LAMA2: variants seen among roughly 807,000 people sequenced by gnomAD.
LAMA2 encodes the protein laminin subunit alpha 2.
In LAMA2, 269 loss-of-function variants were observed where a neutral mutation model predicts 364.8. The ratio of observed to expected loss-of-function variants is 0.74; its 90% CI spans 0.67 to 0.82. The LOEUF (loss-of-function observed/expected upper bound fraction) is 0.82, where lower values mean the gene tolerates loss of function less well. Among genes scored for constraint, LAMA2 ranks in the 40% least tolerant of loss-of-function variants. LAMA2 has a pLI of 0.00. For missense variants in LAMA2, 3,807 were observed against 3,873.2 expected (o/e 0.98, Z 0.45); for synonymous variants, 1,379 against 1,370.6 (o/e 1.01, Z -0.14).
chr6:129,464,347 G>A lies in LAMA2; in HGVS notation c.7050G>A (p.Leu2350=). The change falls in exon 50 of 65, where the codon TTG becomes TTA. Residue 2350 remains leucine (L), a synonymous_variant. Transcript: ENST00000421865. ...AATTTGATGGAGAAGGTTATGCATT[G>A]GTCAGCCGTCCCATTCGCTGGTACC... ...TIQFDGEGYA[L]VSRPIRWYPN... is the part of the protein sequence containing the mutation. The A allele has an allele frequency of 6.2e-7, 1 of 1,611,820 alleles. No homozygotes were observed. The highest frequency in any genetic ancestry group is 8.5e-7 in the Non-Finnish European group (1 of 1,178,324).
Position 129,005,147 on chromosome 6 carries a change from A to T in LAMA2, c.113-44771A>T, listed in dbSNP as rs894631502. Among the ~76,000 whole-genome samples the T allele has an allele frequency of 7.2e-5, 11 of 152,166 alleles. No individual in the cohort carries two copies. In the East Asian group the frequency reaches 2.1e-3, roughly 29 times the overall value. Reference sequence around the variant, plus strand: ...TGTCCTCTTTTTTTTTCTGAAAAACATTAAGGTTTCTTTCCCAAAGCTTAT... The same window carrying T: ...TGTCCTCTTTTTTTTTCTGAAAAACTTTAAGGTTTCTTTCCCAAAGCTTAT... On this transcript the variant is annotated intron_variant, in intron 1 of 64. Coordinates refer to ENST00000421865, the MANE Select transcript of LAMA2 (RefSeq NM_000426.4).
chr6:128,895,760 C>T (rs1219493785), intron 1 of LAMA2, among the ~76,000 whole-genome samples: 1 of 152,110 alleles, frequency 6.6e-6, no homozygotes, highest in Non-Finnish European at 1.5e-5. Context: ...AGGAGGGGTC[C>T]TTTGTTCTTT....
intron 37 of LAMA2, among the ~76,000 whole-genome samples, chr6:129,394,306 A>G (rs902765092): frequency 3.3e-5 from 5 of 152,240 alleles, no homozygotes; most frequent in African/African-American, 7.2e-5. Context: ...CCTCTGGCAT[A>G]TAGTATGTAT....
intron 33 of LAMA2, among the ~76,000 whole-genome samples, chr6:129,367,786 C>G (rs1583587533): frequency 1.3e-5 from 2 of 152,078 alleles, no homozygotes; most frequent in East Asian, 3.8e-4. Flanking sequence ...AATGGATTAC[C>G]ATACATAGCT....
chr6:129,413,985 A>G (rs1034887111), intron 40 of LAMA2, among the ~76,000 whole-genome samples: 3 of 114,422 alleles, frequency 2.6e-5, no homozygotes, highest in African/African-American at 3.8e-5. Flanking sequence ...GAAGACAAGA[A>G]CAATTAAGCA....
chr6:128,925,067 G>C (rs994617675), intron 1 of LAMA2, among the ~76,000 whole-genome samples: 13 of 152,134 alleles, frequency 8.5e-5, no homozygotes, highest in African/African-American at 2.9e-4. Context: ...TTGTTGATGG[G>C]AATATAAAAT....
At chr6:129,445,920 G>A in intron 45 of LAMA2, 99 bp downstream of exon 45, 2 of 1,243,762 alleles carry the variant, frequency 1.6e-6, no homozygotes, top group South Asian at 1.3e-5. Flanking sequence ...GAATGATCTT[G>A]GGTCCTTTTC....
intron 39 of LAMA2, among the ~76,000 whole-genome samples, chr6:129,403,159 T>C (rs566315825): frequency 2.3e-4 from 35 of 152,316 alleles, no homozygotes; most frequent in Middle Eastern, 3.4e-3. Context: ...TTTGCCCAGA[T>C]AAATCTACAT....
At chr6:129,435,803 T>C (rs1781804036) in intron 41 of LAMA2, among the ~76,000 whole-genome samples, 1 of 152,168 alleles carries the variant, frequency 6.6e-6, no homozygotes, top group Non-Finnish European at 1.5e-5. Flanking sequence ...CACCGATAGT[T>C]CAGAATCCTC....
In LAMA2 at chr6:129,464,372, C is replaced by T. The variant is rs535022442; in HGVS notation, c.7075C>T (p.Pro2359Ser). The change falls in exon 50 of 65, where the codon CCC becomes TCC. Residue 2359 changes from proline (P) to serine (S), a missense_variant. Pro to Ser is a moderately conservative substitution (Grantham distance 74). This residue lies in a region of LAMA2 where 3,333 missense variants were observed against 3,345.7 expected (regional missense o/e 1.00). Coordinates refer to ENST00000421865, the MANE Select transcript of LAMA2 (RefSeq NM_000426.4). Reference protein sequence around the residue: ...ALVSRPIRWYPNISTVMFKFR... With the variant: ...ALVSRPIRWYSNISTVMFKFR... ...GGTCAGCCGTCCCATTCGCTGGTAC[C>T]CCAACATCTCCACTGTCATGTTCAA... 1.5e-5 allele frequency: 24 copies of T among 1,611,434 alleles called. No homozygotes were observed. In the African/African-American group the frequency reaches 2.8e-4, roughly 19 times the overall value.
At chr6:129,310,314 G>A (rs905599657) in intron 22 of LAMA2, among the ~76,000 whole-genome samples, 2 of 152,180 alleles carry the variant, frequency 1.3e-5, no homozygotes, top group Admixed American at 6.5e-5. Context: ...GCAAACTACT[G>A]TTAGCAGGAA....
chr6:129,215,817 G>C (rs1783391707), intron 12 of LAMA2, among the ~76,000 whole-genome samples: 1 of 151,962 alleles, frequency 6.6e-6, no homozygotes, highest in African/African-American at 2.4e-5. Flanking sequence ...TAACCCCCTT[G>C]CTTTCCCTTG....
intron 8 of LAMA2, chr6:129,158,207 G>A (rs1027903422): frequency 1.9e-6 from 3 of 1,613,774 alleles, no homozygotes; most frequent in Admixed American, 3.3e-5. Context: ...TAATCAAATA[G>A]AGCTGAGTCC....
intron 1 of LAMA2, among the ~76,000 whole-genome samples, chr6:129,036,084 A>T (rs994966772): frequency 6.6e-6 from 1 of 152,120 alleles, no homozygotes; most frequent in African/African-American, 2.4e-5. Context: ...TAGCATAGTC[A>T]TTTTAATGAT....
chr6:129,189,396 A>G (rs1021438231), intron 10 of LAMA2, among the ~76,000 whole-genome samples: 1 of 152,160 alleles, frequency 6.6e-6, no homozygotes, highest in East Asian at 1.9e-4. Context: ...TTAAATTGAG[A>G]GATTATATCC....
chr6:129,440,348 A>C (rs1782044632), intron 42 of LAMA2, among the ~76,000 whole-genome samples: 1 of 151,818 alleles, frequency 6.6e-6, no homozygotes, highest in Non-Finnish European at 1.5e-5. Context: ...GAAAATTTCC[A>C]ATGCTGAAAA....
At chr6:129,409,103 C>T (rs1049800667) in intron 40 of LAMA2, among the ~76,000 whole-genome samples, 1 of 152,226 alleles carries the variant, frequency 6.6e-6, no homozygotes, top group South Asian at 2.1e-4. Flanking sequence ...CTGGCCATTT[C>T]TTCTTCCAAG....
At chr6:128,974,318 C>T (rs1411674428) in intron 1 of LAMA2, among the ~76,000 whole-genome samples, 1 of 152,128 alleles carries the variant, frequency 6.6e-6, no homozygotes, top group Non-Finnish European at 1.5e-5. Context: ...ATCCAATTTC[C>T]ACCTGAAGAC....
At chr6:129,372,473 T>C (rs1778143750) in intron 34 of LAMA2, among the ~76,000 whole-genome samples, 1 of 152,238 alleles carries the variant, frequency 6.6e-6, no homozygotes, top group Non-Finnish European at 1.5e-5. Context: ...TTCATGACTT[T>C]ATAGCTCATT....
Sources: gnomAD v4.1 joint callset for allele counts (sites outside exome capture counted in the v4.1 genomes callset) on GRCh38, gnomAD v4.1.1 for gene constraint, gnomAD v4.1.1 regional missense constraint, MANE v1.5 for transcripts, NCBI Gene and HGNC (gene_info 2026-07-23, HGNC 2026-07-21) for gene names.